Variants in TMEM164 observed in about 807,000 individuals in gnomAD.
TMEM164 encodes transmembrane protein 164.
Under a neutral mutation model 18.8 loss-of-function variants are expected in TMEM164, and 4 were observed. The observed-to-expected ratio is 0.21, with a 90% confidence interval of 0.10 to 0.49. TMEM164 has a LOEUF of 0.49. Ranked by LOEUF, TMEM164 falls within the 20% of genes least tolerant of loss-of-function variation. The pLI is 0.98. For synonymous variants in TMEM164, 86 were observed against 101.7 expected, an observed-to-expected ratio of 0.85 and a Z score of 0.93; for missense variants, 108 against 239.9, an observed-to-expected ratio of 0.45 and a Z score of 3.63.
intron 3 of TMEM164, among the ~76,000 whole-genome samples, chrX:110,091,409 G>A (rs2065926901): frequency 8.9e-6 from 1 of 112,029 alleles, no homozygotes; most frequent in Non-Finnish European, 1.9e-5. Flanking sequence ...TCTAACTGGT[G>A]TGAGATGGTA....
intron 3 of TMEM164, among the ~76,000 whole-genome samples, chrX:110,078,709 C>T (rs1438070216): frequency 9.0e-6 from 1 of 111,541 alleles, no homozygotes. Context: ...ATTCCAGCTA[C>T]TCAGGAGGCT....
intron 2 of TMEM164, among the ~76,000 whole-genome samples, chrX:110,052,605 T>A (rs778272136): frequency 8.9e-5 from 10 of 111,917 alleles, no homozygotes; most frequent in African/African-American, 3.2e-4. Context: ...GGACCTACAG[T>A]GAGGACCATC....
In TMEM164 at chrX:110,109,586, G is replaced by A. The variant is rs1054086905; in HGVS notation, c.507+440G>A. Among the ~76,000 whole-genome samples the A allele has an allele frequency of 5.3e-5, 6 of 112,354 alleles. No individual in the cohort carries two copies. In the East Asian group the frequency reaches 1.7e-3, roughly 31 times the overall value. ...TACAAACTCTTGGAGAGGTTTAATG[G>A]AAAGAAAGCAGCTTTCAGGTGTTCT... On this transcript the variant is annotated intron_variant, in intron 4 of 6. Coordinates refer to ENST00000372068, the MANE Select transcript of TMEM164 (RefSeq NM_032227.4).
chrX:110,004,232 A>C, intron 2 of TMEM164, 68 bp downstream of exon 2: 1 of 1,103,078 alleles, frequency 9.1e-7, no homozygotes, highest in East Asian at 3.0e-5. Context: ...AGGACACTCC[A>C]TAGTGTACAG....
chrX:110,029,768 AG>A (rs1387249957), intron 2 of TMEM164, among the ~76,000 whole-genome samples: 1 of 111,202 alleles, frequency 9.0e-6, no homozygotes, highest in African/African-American at 3.3e-5. Flanking sequence ...ATGCTCTGTT[AG>A]GGCAGCAGCT....
chrX:110,030,108 GTTTTTTTTTTTTTTT>G (rs34803907), intron 2 of TMEM164, among the ~76,000 whole-genome samples: 4 of 26,994 alleles, frequency 1.5e-4, no homozygotes, highest in South Asian at 7.5e-3. Context: ...TTCTCTGTCT[GTTTTTTTTTTTTTTT>G]TTTTTTTTTT....
intron 4 of TMEM164, among the ~76,000 whole-genome samples, chrX:110,135,229 T>A (rs1277372985): frequency 9.2e-6 from 1 of 108,767 alleles, no homozygotes; most frequent in Non-Finnish European, 1.9e-5. Context: ...AACTTATTCC[T>A]TTTCTTCTAA....
At chrX:110,055,317 A>G (rs1375280027) in intron 2 of TMEM164, 1 of 384,032 alleles carries the variant, frequency 2.6e-6, no homozygotes, top group Non-Finnish European at 5.2e-6. Flanking sequence ...AATGTTTCCA[A>G]GCAGGGCCGC....
chrX:110,076,449 T>C (rs2065672905), intron 3 of TMEM164, among the ~76,000 whole-genome samples: 1 of 111,164 alleles, frequency 9.0e-6, no homozygotes, highest in South Asian at 3.8e-4. Flanking sequence ...ATCCTTGGTA[T>C]GGATTTTTTT....
chrX:110,074,873 G>A, intron 3 of TMEM164, among the ~76,000 whole-genome samples: 1 of 111,926 alleles, frequency 8.9e-6, no homozygotes, highest in Non-Finnish European at 1.9e-5. Flanking sequence ...TTGTAGTATA[G>A]TTTGAAGTCA....
At chrX:110,122,520 A>G (rs2066466386) in intron 4 of TMEM164, among the ~76,000 whole-genome samples, 1 of 108,370 alleles carries the variant, frequency 9.2e-6, no homozygotes, top group East Asian at 2.9e-4. Flanking sequence ...GCACATGTAT[A>G]CATATGTAAC....
intron 2 of TMEM164, chrX:110,055,326 G>T (rs773246493): frequency 2.6e-6 from 1 of 383,486 alleles, no homozygotes; most frequent in Non-Finnish European, 5.2e-6. Context: ...AAGCAGGGCC[G>T]CCACGAATGG....
At chrX:110,004,295 G>T (rs1388451519) in intron 2 of TMEM164, 131 bp downstream of exon 2, 3 of 835,679 alleles carry the variant, frequency 3.6e-6, no homozygotes, top group Admixed American at 6.6e-5. Flanking sequence ...CCAACGAGTG[G>T]CTGCCTTTGT....
At chrX:110,132,923 G>A (rs1420453205) in intron 4 of TMEM164, among the ~76,000 whole-genome samples, 2 of 112,042 alleles carry the variant, frequency 1.8e-5, no homozygotes, top group South Asian at 3.8e-4. Context: ...TTGTTGGTCC[G>A]TGTATTGGTT....
At chrX:110,127,306 A>C (rs1292358522) in intron 4 of TMEM164, among the ~76,000 whole-genome samples, 2 of 111,519 alleles carry the variant, frequency 1.8e-5, no homozygotes, top group Non-Finnish European at 3.8e-5. Context: ...TGAGGTTGGC[A>C]GTTCGAGACC....
At chrX:110,183,899 G>A (rs1027855252), downstream of TMEM164, among the ~76,000 whole-genome samples, 67 of 111,939 alleles carry the variant, frequency 6.0e-4, 1 homozygote, top group African/African-American at 2.0e-3. Context: ...GGTGTTAGGA[G>A]GATACAGAGA....
intron 3 of TMEM164, among the ~76,000 whole-genome samples, chrX:110,094,561 C>G (rs180863309): frequency 1.8e-5 from 2 of 111,704 alleles, no homozygotes; most frequent in Non-Finnish European, 3.8e-5. Flanking sequence ...TTATTTTGAT[C>G]CTGTGTCTGT....
intron 2 of TMEM164, among the ~76,000 whole-genome samples, chrX:110,055,070 A>AGT (rs745702948): frequency 1.8e-5 from 2 of 111,671 alleles, no homozygotes; most frequent in African/African-American, 6.5e-5. Context: ...ATAGCTTTGT[A>AGT]GTGTGACCAG....
At chrX:110,090,979 T>C (rs1010372990) in intron 3 of TMEM164, among the ~76,000 whole-genome samples, 23 of 110,281 alleles carry the variant, frequency 2.1e-4, no homozygotes, top group African/African-American at 7.3e-4. Flanking sequence ...GTCCTTGCGA[T>C]AGTTTGTGGA....
Sources: gnomAD v4.1 joint callset for allele counts (sites outside exome capture counted in the v4.1 genomes callset) on GRCh38, gnomAD v4.1.1 for gene constraint, MANE v1.5 for transcripts, NCBI Gene and HGNC (gene_info 2026-07-23, HGNC 2026-07-21) for gene names.